Variants in STK33 observed in about 807,000 individuals in gnomAD.
The protein encoded by STK33 is serine/threonine kinase 33.
STK33 carries 52 observed loss-of-function variants against 58.0 expected under a neutral mutation model. The observed-to-expected ratio is 0.90, with a 90% confidence interval of 0.72 to 1.13. STK33 has a LOEUF of 1.13. STK33 is among the 50% of genes most tolerant of loss of function. The pLI is 0.00. For missense variants in STK33, 630 were observed against 604.2 expected (o/e 1.04, Z -0.45); for synonymous variants, 215 against 200.1 (o/e 1.07, Z -0.63).
intron 1 of STK33, among the ~76,000 whole-genome samples, chr11:8,590,096 A>G (rs2032357646): frequency 1.3e-5 from 2 of 152,204 alleles, no homozygotes; most frequent in African/African-American, 4.8e-5. Context: ...GTGGTAGACA[A>G]GCATTCCACC....
intron 1 of STK33, among the ~76,000 whole-genome samples, chr11:8,566,306 C>G (rs906244836): frequency 1.3e-5 from 2 of 152,172 alleles, no homozygotes; most frequent in South Asian, 4.1e-4. Context: ...GAAATAAAAG[C>G]CTCTAGGCTA....
At chr11:8,492,636 G>A (rs1325300769) in intron 1 of STK33, among the ~76,000 whole-genome samples, 1 of 152,132 alleles carries the variant, frequency 6.6e-6, no homozygotes, top group Non-Finnish European at 1.5e-5. Flanking sequence ...CAAATCAACA[G>A]AATATACATT....
intron 1 of STK33, among the ~76,000 whole-genome samples, chr11:8,587,893 T>C (rs2031965862): frequency 6.6e-6 from 1 of 152,242 alleles, no homozygotes. Context: ...AACAGGCCAA[T>C]TATCTTAGTT....
intron 2 of STK33, among the ~76,000 whole-genome samples, chr11:8,478,227 T>C (rs1039151652): frequency 1.3e-5 from 2 of 152,188 alleles, no homozygotes; most frequent in African/African-American, 2.4e-5. Context: ...TGCAAACTTA[T>C]GTAAACACAA....
chr11:8,371,036 T>TG, the STK33 span, among the ~76,000 whole-genome samples: 28 of 151,974 alleles, frequency 1.8e-4, 1 homozygote, highest in South Asian at 3.8e-3. Context: ...GGAGGGCTGT[T>TG]GGGGGCTGAG....
At chr11:8,432,843 T>C (rs1240910301) in intron 14 of STK33, among the ~76,000 whole-genome samples, 1 of 152,204 alleles carries the variant, frequency 6.6e-6, no homozygotes, top group Non-Finnish European at 1.5e-5. Context: ...CTGAATTCCT[T>C]AGGACAATCC....
Position 8,392,654 on chromosome 11 carries a change from G to A in STK33, c.1401C>T (p.Cys467=), listed in dbSNP as rs753930051. 3 of 1,614,186 alleles carry A rather than the reference G, an allele frequency of 1.9e-6. No homozygotes were observed. Among genetic ancestry groups the A allele is most frequent in the East Asian group, 4.5e-5 (2 of 44,890 alleles). ...PATSKDNFDM[C]SSSFTSSKLL... ...GTTTGCTAGATGTGAAACTTGAACT[G>A]CACATATCAAAGTTGTCCTTACTGG... The change falls in exon 16 of 16, where the codon TGC becomes TGT. Residue 467 remains cysteine, a synonymous_variant. Coordinates refer to ENST00000687296, the MANE Select transcript of STK33 (RefSeq NM_001352389.2).
chr11:8,354,978 C>A, the STK33 span, among the ~76,000 whole-genome samples: 1 of 152,236 alleles, frequency 6.6e-6, no homozygotes, highest in Non-Finnish European at 1.5e-5. Flanking sequence ...TCTCTTCTTG[C>A]AGAAAAAAAG....
the STK33 span, among the ~76,000 whole-genome samples, chr11:8,345,636 G>A: frequency 6.6e-6 from 1 of 152,234 alleles, no homozygotes; most frequent in South Asian, 2.1e-4. Flanking sequence ...ACCTGTGTGG[G>A]GGACAGGCAG....
At chr11:8,426,540 G>A (rs572414385) in intron 14 of STK33, among the ~76,000 whole-genome samples, 30 of 152,278 alleles carry the variant, frequency 2.0e-4, no homozygotes, top group African/African-American at 7.2e-4. Context: ...TACCTACCTT[G>A]GCCTCCCAAA....
intron 1 of STK33, among the ~76,000 whole-genome samples, chr11:8,581,653 C>G (rs1475407529): frequency 1.3e-5 from 2 of 152,124 alleles, no homozygotes; most frequent in Non-Finnish European, 2.9e-5. Context: ...AAGGATGGGT[C>G]CATTTCAAAG....
intron 1 of STK33, among the ~76,000 whole-genome samples, chr11:8,554,428 A>G (rs1257141460): frequency 6.6e-6 from 1 of 151,710 alleles, no homozygotes; most frequent in Non-Finnish European, 1.5e-5. Context: ...CAAAAAAAAA[A>G]AAAAAAAAAA....
chr11:8,428,536 G>A (rs1441729232), intron 14 of STK33, among the ~76,000 whole-genome samples: 1 of 152,226 alleles, frequency 6.6e-6, no homozygotes, highest in East Asian at 1.9e-4. Context: ...CAGTATCTTG[G>A]CAGGAACCAG....
chr11:8,452,911 G>A lies in STK33; in HGVS notation c.787-5C>T, dbSNP rs773194643. ...CGCTAAGCCAAAATCAGTCACCTGG[G>A]AGAAGAAATTCAAGCACAGTCACCT... On this transcript the variant is annotated splice_region_variant and splice_polypyrimidine_tract_variant and intron_variant, in intron 10 of 15. Coordinates refer to ENST00000687296, the MANE Select transcript of STK33 (RefSeq NM_001352389.2). 69 of 1,613,596 alleles carry A rather than the reference G, an allele frequency of 4.3e-5. No homozygotes were observed. The highest frequency in any genetic ancestry group is 5.4e-5 in the Non-Finnish European group (64 of 1,179,696).
At chr11:8,399,870 T>G (rs915003913) in intron 15 of STK33, among the ~76,000 whole-genome samples, 3 of 152,004 alleles carry the variant, frequency 2.0e-5, no homozygotes, top group African/African-American at 7.2e-5. Context: ...AAAATCTAGA[T>G]GAAATGGATA....
intron 8 of STK33, among the ~76,000 whole-genome samples, chr11:8,460,861 G>C (rs1355930335): frequency 6.6e-6 from 1 of 152,134 alleles, no homozygotes; most frequent in Non-Finnish European, 1.5e-5. Flanking sequence ...CTCTTATAAA[G>C]GATAACTGTG....
At position 8,580,909 on chromosome 11, in the gene STK33, C is replaced by T. The variant is rs577346483; in HGVS notation, c.-466+13174G>A. 2.0e-5 allele frequency: 3 copies of T among 152,202 alleles called. No homozygotes were observed. In the East Asian group the frequency reaches 5.8e-4, roughly 29 times the overall value. The allele number at this position is 152,202 out of a possible 1,614,324, so 9.4% of individuals were successfully genotyped here. A position where few individuals can be genotyped will look rare whatever the true frequency, so the allele number is the denominator to read the frequency against. ...CACTTCATCGTGGGTTATCTGTCAT[C>T]TTCATGGTGGTATTGTCTCCCCAGG... On this transcript the variant is annotated intron_variant, in intron 1 of 15. Transcript: ENST00000687296.
chr11:8,449,519 A>C (rs1220818489), intron 11 of STK33, among the ~76,000 whole-genome samples: 1 of 151,338 alleles, frequency 6.6e-6, no homozygotes, highest in Non-Finnish European at 1.5e-5. Flanking sequence ...ATTCTCAGCA[A>C]ACTATCGCAA....
At chr11:8,379,031 CATAAATTGGGGAA>C in the STK33 span, among the ~76,000 whole-genome samples, 1 of 152,094 alleles carries the variant, frequency 6.6e-6, no homozygotes, top group Non-Finnish European at 1.5e-5. Flanking sequence ...CACACAAAAA[CATAAATTGGGGAA>C]AGGAGACCCT....
Sources: gnomAD v4.1 joint callset for allele counts (sites outside exome capture counted in the v4.1 genomes callset) on GRCh38, gnomAD v4.1.1 for gene constraint, MANE v1.5 for transcripts, NCBI Gene and HGNC (gene_info 2026-07-23, HGNC 2026-07-21) for gene names.